Variants in NCAPD2 observed in about 807,000 individuals in gnomAD.
NCAPD2 encodes non-SMC condensin I complex subunit D2.
Under a neutral mutation model 164.5 loss-of-function variants are expected in NCAPD2, and 100 were observed. The observed-to-expected ratio is 0.61, with a 90% CI of 0.52 to 0.72. NCAPD2 has a LOEUF of 0.72. NCAPD2 is among the 30% of genes least tolerant of loss of function. The pLI is 0.00. For synonymous variants in NCAPD2, 585 were observed against 642.6 expected (o/e 0.91, Z 1.36); for missense variants, 1,560 against 1,749.2 (o/e 0.89, Z 1.93).
In NCAPD2 at chr12:6,529,736, G is replaced by A. The variant is rs140181758; in HGVS notation, c.3654-39G>A. 2,216 of 1,602,424 alleles carry A rather than the reference G, an allele frequency of 1.4e-3. 28 individuals are homozygous for A. In the African/African-American group the frequency reaches 0.02, roughly 15 times the overall value. On this transcript the variant is annotated intron_variant, in intron 28 of 31. Coordinates refer to ENST00000315579, the MANE Select transcript of NCAPD2 (RefSeq NM_014865.4). ...GGGGAAGGTTGAGCCTTTACTAGCTGGATCTCCCAGTTCCTCACAAAGCCC... is the reference window on the plus strand; with the variant it reads ...GGGGAAGGTTGAGCCTTTACTAGCTAGATCTCCCAGTTCCTCACAAAGCCC...
chr12:6,517,039 A>G lies in NCAPD2; in HGVS notation c.1185+14A>G, dbSNP rs769823890. The G allele has an allele frequency of 1.9e-5, 31 of 1,613,350 alleles. No homozygotes were observed. Among genetic ancestry groups the G allele is most frequent in the Non-Finnish European group, 2.3e-5 (27 of 1,179,344 alleles). The stretch of plus-strand genomic sequence containing the variant: ...GTCCAGCAGAAGGTAACCAACTTCT[A>G]TGTGGCAAAAACATATGGTACCTCT... On this transcript the variant is annotated intron_variant, in intron 10 of 31. Coordinates refer to ENST00000315579, the MANE Select transcript of NCAPD2 (RefSeq NM_014865.4).
chr12:6,510,046 C>T (rs758494108), intron 3 of NCAPD2, 29 bp from the exon 4 acceptor site: 3 of 1,607,668 alleles, frequency 1.9e-6, no homozygotes, highest in Admixed American at 3.3e-5. Flanking sequence ...TCCTTCCTGT[C>T]TCACCCCCAC....
At chr12:6,509,820 A>G (rs1946129393) in intron 3 of NCAPD2, 28 bp downstream of exon 3, 1 of 1,604,354 alleles carries the variant, frequency 6.2e-7, no homozygotes, top group Non-Finnish European at 8.5e-7. Flanking sequence ...CTGGTACTTT[A>G]AAAAGAACTG....
At chr12:6,517,288 A>C in intron 10 of NCAPD2, 77 bp from the exon 11 acceptor site, 1 of 1,566,416 alleles carries the variant, frequency 6.4e-7, no homozygotes, top group Non-Finnish European at 8.6e-7. Flanking sequence ...CTCAGTTTAG[A>C]GTATACTTAA....
intron 2 of NCAPD2, among the ~76,000 whole-genome samples, chr12:6,502,927 T>A (rs1031915301): frequency 4.0e-5 from 6 of 151,330 alleles, no homozygotes; most frequent in Non-Finnish European, 5.9e-5. Context: ...CTCGGCTCAC[T>A]GCAACCTCCT....
chr12:6,503,319 A>AT (rs11400579), intron 2 of NCAPD2, among the ~76,000 whole-genome samples: 152,283 of 152,286 alleles, frequency 1, 76,140 homozygotes, highest in Middle Eastern at 1. Context: ...TTTATAATGA[A>AT]AGAAATTTAT....
chr12:6,529,079 C>T (rs1946346966), intron 27 of NCAPD2, 40 bp downstream of exon 27: 1 of 1,561,940 alleles, frequency 6.4e-7, no homozygotes, highest in Non-Finnish European at 8.8e-7. Flanking sequence ...TTCCACATAG[C>T]ACGGGCTTAG....
Position 6,517,972 on chromosome 12 carries a change from A to G in NCAPD2, c.1589+13A>G, listed in dbSNP as rs368631187. The G allele has an allele frequency of 6.8e-6, 11 of 1,611,840 alleles. No individual in the cohort carries two copies. Among genetic ancestry groups the G allele is most frequent in the South Asian group, 1.1e-5 (1 of 90,908 alleles). On this transcript the variant is annotated intron_variant, in intron 13 of 31. Transcript: ENST00000315579. ...AAGCTAGTTACAAGTAGGCAAAAGAATGGGATATTCTTCGTGATCTGTTTA... is the reference window on the plus strand; with the variant it reads ...AAGCTAGTTACAAGTAGGCAAAAGAGTGGGATATTCTTCGTGATCTGTTTA...
At chr12:6,522,120 G>T (rs1282789300) in intron 15 of NCAPD2, 83 bp downstream of exon 15, 22 of 1,439,314 alleles carry the variant, frequency 1.5e-5, no homozygotes, top group Non-Finnish European at 2.1e-5. Flanking sequence ...TAACAATAGA[G>T]ATGGGGCCTT....
intron 23 of NCAPD2, 22 bp downstream of exon 23, chr12:6,527,910 A>G: frequency 6.2e-7 from 1 of 1,614,038 alleles, no homozygotes. Context: ...GGCTGCACTC[A>G]GCAGTTTCTT....
At chr12:6,495,772 C>A (rs1021968060) in intron 2 of NCAPD2, among the ~76,000 whole-genome samples, 1 of 152,094 alleles carries the variant, frequency 6.6e-6, no homozygotes, top group African/African-American at 2.4e-5. Flanking sequence ...TTGTTGGGAG[C>A]GGTCTTGTAG....
At chr12:6,499,370 C>G (rs1486706211) in intron 2 of NCAPD2, among the ~76,000 whole-genome samples, 1 of 151,892 alleles carries the variant, frequency 6.6e-6, no homozygotes, top group African/African-American at 2.4e-5. Context: ...TGCCACCACG[C>G]CTGGCTAATT....
intron 2 of NCAPD2, among the ~76,000 whole-genome samples, chr12:6,503,785 T>TA (rs1565539357): frequency 2.1e-5 from 2 of 94,020 alleles, no homozygotes; most frequent in African/African-American, 9.0e-5. Flanking sequence ...TTTTTTTTTT[T>TA]TAAAAAAGAT....
intron 2 of NCAPD2, among the ~76,000 whole-genome samples, chr12:6,503,568 G>A (rs1008803645): frequency 6.6e-6 from 1 of 151,988 alleles, no homozygotes; most frequent in Non-Finnish European, 1.5e-5. Flanking sequence ...TCAGGAGTTC[G>A]AGACCAGCCT....
intron 22 of NCAPD2, among the ~76,000 whole-genome samples, chr12:6,527,569 C>CA (rs1439663291): frequency 2.0e-5 from 3 of 152,242 alleles, no homozygotes; most frequent in Non-Finnish European, 4.4e-5. Flanking sequence ...GGTGCAGAAA[C>CA]ACGCTTTGGC....
At position 6,495,162 on chromosome 12, in the gene NCAPD2, G is replaced by A; in HGVS notation, c.64G>A (p.Gly22Arg). ...CCCAGAGGAGTTGTTGAAAAGTGGA[G>A]GGGTGAATCAGTATGTTGTGCAAGA... ...LSPEELLKSG[G>R]VNQYVVQEVL... The change falls in exon 2 of 32, where the codon GGG becomes AGG. Residue 22 changes from glycine (G) to arginine (R), a missense_variant. Gly to Arg is a moderately radical substitution (Grantham distance 125). Transcript: ENST00000315579. 1.2e-6 allele frequency: 2 copies of A among 1,614,138 alleles called. No individual in the cohort carries two copies. The highest frequency in any genetic ancestry group is 8.5e-7 in the Non-Finnish European group (1 of 1,180,018).
chr12:6,527,971 A>G lies in NCAPD2; in HGVS notation c.3023A>G (p.Lys1008Arg), dbSNP rs1277094533. Residue 1008 changes from lysine to arginine, a missense_variant, in exon 24 of 32, where the codon AAA (lysine) becomes AGA (arginine). By Grantham distance (26) the Lys-to-Arg change is conservative. Transcript: ENST00000315579. ...GICEMELLDG[K>R]QTLAAFVPLL... is the part of the protein sequence containing the mutation. ...CCTGCAGTTACTCTTCCAACAGGCAAACAGACACTGGCTGCCTTTGTTCCA... is the reference window on the plus strand; with the variant it reads ...CCTGCAGTTACTCTTCCAACAGGCAGACAGACACTGGCTGCCTTTGTTCCA... The G allele has an allele frequency of 2.5e-6, 4 of 1,614,120 alleles. No homozygotes were observed. The highest frequency in any genetic ancestry group is 2.7e-5 in the African/African-American group (2 of 74,946).
intron 14 of NCAPD2, 43 bp from the exon 15 acceptor site, chr12:6,521,755 A>G: frequency 6.2e-7 from 1 of 1,601,546 alleles, no homozygotes; most frequent in Non-Finnish European, 8.5e-7. Context: ...ATTCCCCTGT[A>G]TCCCCTTGAA....
intron 13 of NCAPD2, among the ~76,000 whole-genome samples, chr12:6,519,843 G>C (rs1266593867): frequency 6.6e-6 from 1 of 151,658 alleles, no homozygotes; most frequent in East Asian, 1.9e-4. Context: ...ACTCTACCCT[G>C]GGTGACAGAG....
Sources: allele counts gnomAD v4.1 joint callset (sites outside exome capture counted in the v4.1 genomes callset), GRCh38; gene constraint gnomAD v4.1.1; transcripts MANE v1.5; gene names NCBI Gene and HGNC (gene_info 2026-07-23, HGNC 2026-07-21).